Variants in CSMD3 observed in about 807,000 individuals in gnomAD.
CSMD3 encodes the protein CUB and sushi domain-containing protein 3.
In CSMD3, 177 loss-of-function variants were observed where a neutral mutation model predicts 435.2. That is an observed-to-expected ratio of 0.41 (90% CI 0.36 to 0.46). The LOEUF is 0.46. CSMD3 is among the 20% of genes least tolerant of loss of function. The pLI is 0.34. For missense variants in CSMD3, 4,265 were observed against 4,504.6 expected, an observed-to-expected ratio of 0.95 and a Z score of 1.52; for synonymous variants, 1,656 against 1,520.5, an observed-to-expected ratio of 1.09 and a Z score of -2.07.
chr8:112,473,266 T>C (rs1023146647), intron 31 of CSMD3, among the ~76,000 whole-genome samples: 3 of 152,136 alleles, frequency 2.0e-5, no homozygotes, highest in Non-Finnish European at 4.4e-5. Context: ...CAATGTGGTA[T>C]GTTAAAAAAA....
intron 59 of CSMD3, among the ~76,000 whole-genome samples, chr8:112,278,522 G>A (rs1818307689): frequency 6.6e-6 from 1 of 152,116 alleles, no homozygotes; most frequent in Non-Finnish European, 1.5e-5. Flanking sequence ...AGCCATGAAT[G>A]ATGCTAGGCT....
chr8:113,334,285 T>G (rs1000414431), intron 1 of CSMD3, among the ~76,000 whole-genome samples: 1 of 92,136 alleles, frequency 1.1e-5, no homozygotes, highest in African/African-American at 3.2e-5. Context: ...AAGTTTTTTT[T>G]TTTTTTTTTT....
chr8:112,514,762 G>A (rs1179637178), intron 28 of CSMD3, among the ~76,000 whole-genome samples: 1 of 152,066 alleles, frequency 6.6e-6, no homozygotes, highest in Non-Finnish European at 1.5e-5. Flanking sequence ...TTTATGCTTC[G>A]GGGTCTTAGA....
intron 9 of CSMD3, among the ~76,000 whole-genome samples, chr8:112,936,395 A>G (rs953119844): frequency 3.3e-5 from 5 of 152,226 alleles, no homozygotes; most frequent in African/African-American, 9.6e-5. Context: ...CATAATAAGG[A>G]TATTTTCTTT....
At chr8:113,052,169 C>T (rs1015650894) in intron 5 of CSMD3, among the ~76,000 whole-genome samples, 2 of 152,130 alleles carry the variant, frequency 1.3e-5, no homozygotes, top group Non-Finnish European at 2.9e-5. Flanking sequence ...TAAGTATTGG[C>T]TTTTCCTCAT....
At chr8:112,439,870 C>A (rs79703934) in intron 32 of CSMD3, among the ~76,000 whole-genome samples, 1 of 150,086 alleles carries the variant, frequency 6.7e-6, no homozygotes, top group African/African-American at 2.4e-5. Context: ...GGTCCCCCCC[C>A]GCCAACATGT....
At position 112,310,981 on chromosome 8, in the gene CSMD3, G is replaced by T. The variant is rs141438237; in HGVS notation, c.7882C>A (p.Gln2628Lys). 10 of 1,613,208 alleles carry T rather than the reference G, an allele frequency of 6.2e-6. No homozygotes were observed. In the African/African-American group the frequency reaches 1.3e-4, roughly 22 times the overall value. Reference protein sequence around the residue: ...HAWDAPVPACQAISCGIPKAP... With the variant: ...HAWDAPVPACKAISCGIPKAP... Reference sequence around the variant, plus strand: ...ATTTTGGCATAATATACTTCACCTTGACAGGCAGGGACTGGCGCATCCCAT... The same window carrying T: ...ATTTTGGCATAATATACTTCACCTTTACAGGCAGGGACTGGCGCATCCCAT... Residue 2628 changes from glutamine (Q) to lysine (K), a missense_variant, in exon 50 of 71, where the codon CAA becomes AAA. Coordinates refer to ENST00000297405, the MANE Select transcript of CSMD3 (RefSeq NM_198123.2).
At chr8:112,903,120 T>C (rs1001177524) in intron 10 of CSMD3, among the ~76,000 whole-genome samples, 12 of 141,914 alleles carry the variant, frequency 8.5e-5, no homozygotes, top group South Asian at 4.4e-4. Flanking sequence ...CCACAGTCAT[T>C]CTTGATACAA....
Position 112,503,930 on chromosome 8 carries a change from G to A in CSMD3, c.4943C>T (p.Pro1648Leu), listed in dbSNP as rs2130916148. The A allele has an allele frequency of 6.2e-7, 1 of 1,611,158 alleles. No homozygotes were observed. The highest frequency in any genetic ancestry group is 8.5e-7 in the Non-Finnish European group (1 of 1,178,142). Reference protein sequence around the residue: ...NYDFLYIYDGPDSNSPLIGSF... With the variant: ...NYDFLYIYDGLDSNSPLIGSF... ...TCCAATCAGTGGGCTATTACTGTCT[G>A]GTCCATCATAGATATAGAGGAAGTC... Residue 1648 changes from proline (P) to leucine (L), a missense_variant, in exon 30 of 71, where the codon CCA becomes CTA. Around this residue, in one of 3 missense-constraint regions of CSMD3, gnomAD observed 3,255 missense variants for 3,380.2 expected, o/e 0.96. Coordinates refer to ENST00000297405, the MANE Select transcript of CSMD3 (RefSeq NM_198123.2).
At chr8:113,111,324 A>T (rs1158018989) in intron 4 of CSMD3, among the ~76,000 whole-genome samples, 2 of 152,162 alleles carry the variant, frequency 1.3e-5, no homozygotes, top group Non-Finnish European at 2.9e-5. Flanking sequence ...TAACCTATCC[A>T]TCACTTCTAT....
chr8:113,215,360 A>G (rs1024706136), intron 3 of CSMD3, among the ~76,000 whole-genome samples: 2 of 151,898 alleles, frequency 1.3e-5, no homozygotes, highest in Non-Finnish European at 2.9e-5. Flanking sequence ...AATTAATAAA[A>G]GAGACTCAAA....
chr8:112,824,780 T>C (rs1322366468), intron 12 of CSMD3, among the ~76,000 whole-genome samples: 1 of 152,152 alleles, frequency 6.6e-6, no homozygotes, highest in Non-Finnish European at 1.5e-5. Flanking sequence ...TGATTTTGTG[T>C]CTTGGAGTTG....
chr8:112,378,910 G>A (rs1365087822), intron 38 of CSMD3, among the ~76,000 whole-genome samples: 1 of 151,820 alleles, frequency 6.6e-6, no homozygotes, highest in East Asian at 1.9e-4. Flanking sequence ...AACATCACAT[G>A]TATCCCAGAA....
chr8:112,813,572 G>A (rs1195510346), intron 12 of CSMD3, among the ~76,000 whole-genome samples: 1 of 152,056 alleles, frequency 6.6e-6, no homozygotes, highest in Non-Finnish European at 1.5e-5. Flanking sequence ...AGGGAGAGAA[G>A]GATACAGGGA....
At chr8:112,933,726 ATT>A (rs1226508500) in intron 9 of CSMD3, among the ~76,000 whole-genome samples, 2 of 152,076 alleles carry the variant, frequency 1.3e-5, no homozygotes, top group African/African-American at 4.8e-5. Flanking sequence ...ATAATTCGAC[ATT>A]TTTTTTATGG....
intron 10 of CSMD3, among the ~76,000 whole-genome samples, chr8:112,904,714 T>A (rs892460918): frequency 6.6e-6 from 1 of 151,402 alleles, no homozygotes; most frequent in Non-Finnish European, 1.5e-5. Context: ...GACCTTAAGG[T>A]CAGCCTCAAC....
At chr8:113,076,757 T>G (rs938439173) in intron 5 of CSMD3, among the ~76,000 whole-genome samples, 1 of 152,132 alleles carries the variant, frequency 6.6e-6, no homozygotes, top group South Asian at 2.1e-4. Context: ...AAAAGAACTA[T>G]AAAACTATGG....
intron 2 of CSMD3, among the ~76,000 whole-genome samples, chr8:113,290,238 T>C (rs2093676733): frequency 6.6e-6 from 1 of 151,668 alleles, no homozygotes; most frequent in South Asian, 2.1e-4. Flanking sequence ...TTACATAAAA[T>C]ACAAAGAGCA....
intron 13 of CSMD3, 129 bp from the exon 14 acceptor site, chr8:112,690,179 A>G: frequency 1.4e-6 from 1 of 712,004 alleles, no homozygotes; most frequent in South Asian, 1.7e-5. Flanking sequence ...ATATTCTCCA[A>G]TCTTTTTTTT....
Sources: gnomAD v4.1 joint callset for allele counts (sites outside exome capture counted in the v4.1 genomes callset) on GRCh38, gnomAD v4.1.1 for gene constraint, gnomAD v4.1.1 regional missense constraint, MANE v1.5 for transcripts, NCBI Gene and HGNC (gene_info 2026-07-23, HGNC 2026-07-21) for gene names.